CASK: variants seen among roughly 807,000 people sequenced by gnomAD.
CASK encodes the protein peripheral plasma membrane protein CASK.
A neutral mutation model predicts 82.9 loss-of-function variants in CASK; 4 were observed. The observed-to-expected ratio is 0.05, with a 90% CI of 0.02 to 0.11. CASK has a LOEUF of 0.11. Ranked by LOEUF, CASK falls within the 10% of genes least tolerant of loss-of-function variation. The pLI, the probability that CASK is intolerant of heterozygous loss-of-function variation, is 1.00. For missense variants in CASK, 358 were observed against 720.9 expected, an observed-to-expected ratio of 0.50 and a Z score of 5.76; for synonymous variants, 259 against 253.5, an observed-to-expected ratio of 1.02 and a Z score of -0.20.
chrX:41,611,297 G>T (rs2066040411), intron 11 of CASK, among the ~76,000 whole-genome samples: 1 of 110,511 alleles, frequency 9.0e-6, no homozygotes, highest in African/African-American at 3.3e-5. Flanking sequence ...GCAATTATTG[G>T]TGAGAATATA....
intron 1 of CASK, among the ~76,000 whole-genome samples, chrX:41,884,148 T>C (rs190874178): frequency 8.9e-6 from 1 of 112,334 alleles, no homozygotes; most frequent in Non-Finnish European, 1.9e-5. Context: ...GCCTGCCAAA[T>C]GGGCCATCCA....
intron 1 of CASK, among the ~76,000 whole-genome samples, chrX:41,920,598 C>T (rs1342574557): frequency 8.9e-6 from 1 of 111,904 alleles, no homozygotes; most frequent in Non-Finnish European, 1.9e-5. Context: ...TCAAAATTAG[C>T]TTGCTGCCCC....
chrX:41,747,443 T>C (rs767103479), intron 3 of CASK, among the ~76,000 whole-genome samples: 1 of 110,905 alleles, frequency 9.0e-6, no homozygotes, highest in Admixed American at 9.6e-5. Flanking sequence ...GTATATACAA[T>C]AGCATTTTTT....
chrX:41,888,953 G>A (rs183503615), intron 1 of CASK, among the ~76,000 whole-genome samples: 48 of 109,245 alleles, frequency 4.4e-4, no homozygotes, highest in African/African-American at 1.3e-3. Flanking sequence ...TGCTATAAAC[G>A]TGTGTGCAAG....
intron 9 of CASK, among the ~76,000 whole-genome samples, chrX:41,635,547 C>T (rs2066536188): frequency 1.8e-5 from 2 of 111,186 alleles, no homozygotes; most frequent in South Asian, 3.7e-4. Flanking sequence ...TAATCAATTT[C>T]CCTTTGTTAC....
intron 24 of CASK, among the ~76,000 whole-genome samples, chrX:41,533,184 T>C (rs181445890): frequency 2.1e-4 from 24 of 112,028 alleles, no homozygotes; most frequent in Non-Finnish European, 5.6e-5. Context: ...TATATACACA[T>C]ACAGGGTCAA....
intron 1 of CASK, among the ~76,000 whole-genome samples, chrX:41,900,837 C>T (rs1184458142): frequency 9.6e-6 from 1 of 103,755 alleles, no homozygotes; most frequent in Non-Finnish European, 2.0e-5. Context: ...CCTCTGCCTC[C>T]CAGGTTCAAG....
At chrX:41,567,583 G>C (rs2065338719) in intron 16 of CASK, among the ~76,000 whole-genome samples, 1 of 111,776 alleles carries the variant, frequency 8.9e-6, no homozygotes, top group African/African-American at 3.3e-5. Context: ...AAAATGTCAG[G>C]AAACAACAGG....
At chrX:41,595,020 A>G (rs1342089362) in intron 12 of CASK, among the ~76,000 whole-genome samples, 1 of 112,069 alleles carries the variant, frequency 8.9e-6, no homozygotes, top group Non-Finnish European at 1.9e-5. Flanking sequence ...GGCTGAGTAC[A>G]TAGTAGTGTT....
At chrX:41,678,481 G>C (rs1185486396) in intron 5 of CASK, among the ~76,000 whole-genome samples, 1 of 111,995 alleles carries the variant, frequency 8.9e-6, no homozygotes, top group African/African-American at 3.2e-5. Context: ...ATTAGATTCA[G>C]ATTCAATTTT....
intron 3 of CASK, among the ~76,000 whole-genome samples, chrX:41,770,257 CATCTATCT>C (rs751579544): frequency 0.016 from 1,345 of 86,479 alleles, 14 homozygotes; most frequent in African/African-American, 0.041. Flanking sequence ...ATCTATCTAT[CATCTATCT>C]ATCTATCTAT....
chrX:41,591,220 C>T (rs1194026703), intron 12 of CASK, among the ~76,000 whole-genome samples: 1 of 111,089 alleles, frequency 9.0e-6, no homozygotes, highest in Non-Finnish European at 1.9e-5. Flanking sequence ...TCATATTTTC[C>T]CAGAAAAATA....
intron 1 of CASK, among the ~76,000 whole-genome samples, chrX:41,893,219 G>A (rs190179659): frequency 9.0e-6 from 1 of 111,728 alleles, no homozygotes; most frequent in Admixed American, 9.4e-5. Context: ...ATTTTAATTT[G>A]GGTCCGCTTC....
chrX:41,622,535 A>T, intron 11 of CASK, 82 bp downstream of exon 11: 1 of 787,017 alleles, frequency 1.3e-6, no homozygotes, highest in Non-Finnish European at 1.9e-6. Flanking sequence ...CCAAGGAAAA[A>T]GTCAAGCTGA....
intron 2 of CASK, among the ~76,000 whole-genome samples, chrX:41,831,388 AT>A (rs1290451724): frequency 8.9e-6 from 1 of 112,012 alleles, no homozygotes; most frequent in African/African-American, 3.2e-5. Context: ...TAGATAAAGT[AT>A]TTTTTTGCAG....
chrX:41,776,883 T>C (rs2069374816), intron 3 of CASK, among the ~76,000 whole-genome samples: 2 of 112,365 alleles, frequency 1.8e-5, no homozygotes, highest in African/African-American at 3.2e-5. Context: ...AGATTTGATA[T>C]AGTAATTCAA....
At chrX:41,692,280 C>T (rs1290658000) in intron 5 of CASK, among the ~76,000 whole-genome samples, 1 of 111,913 alleles carries the variant, frequency 8.9e-6, no homozygotes, top group East Asian at 2.8e-4. Context: ...GTGCCTGAAA[C>T]CCATTCCAGA....
chrX:41,820,756 C>G (rs1395370177), intron 2 of CASK, among the ~76,000 whole-genome samples: 1 of 110,916 alleles, frequency 9.0e-6, no homozygotes, highest in Non-Finnish European at 1.9e-5. Context: ...ATAGAATAAT[C>G]TAGACAGTGT....
At chrX:41,524,805 C>A (rs1422763337) in intron 25 of CASK, 1 of 111,143 alleles carries the variant, frequency 9.0e-6, no homozygotes, top group Non-Finnish European at 1.9e-5. Context: ...ATTACTGTTT[C>A]AGCTCCTCCC....
Sources: allele counts gnomAD v4.1 joint callset (sites outside exome capture counted in the v4.1 genomes callset), GRCh38; gene constraint gnomAD v4.1.1; transcripts MANE v1.5; gene names NCBI Gene and HGNC (gene_info 2026-07-23, HGNC 2026-07-21).